SLCO5A1: variants seen among roughly 807,000 people sequenced by gnomAD.
SLCO5A1 encodes solute carrier organic anion transporter family member 5A1.
A neutral mutation model predicts 65.1 loss-of-function variants in SLCO5A1; 39 were observed. The ratio of observed to expected loss-of-function variants is 0.60; its 90% CI spans 0.46 to 0.78. The LOEUF (loss-of-function observed/expected upper bound fraction) is 0.78, where lower values mean the gene tolerates loss of function less well. SLCO5A1 is among the 30% of genes least tolerant of loss of function. The pLI, the probability that SLCO5A1 is intolerant of heterozygous loss-of-function variation, is 0.00. For synonymous variants in SLCO5A1, 438 were observed against 415.7 expected (o/e 1.05, Z -0.65); for missense variants, 1,029 against 1,069.4 (o/e 0.96, Z 0.53).
chr8:69,833,038 C>A lies in SLCO5A1; in HGVS notation c.-365G>T. 1 of 281,400 alleles carries A rather than the reference C, an allele frequency of 3.6e-6. No individual in the cohort carries two copies. The highest frequency in any genetic ancestry group is 5.8e-5 in the South Asian group (1 of 17,352). The allele number at this position is 281,400 out of a possible 1,614,324, so 17.4% of individuals were successfully genotyped here. ...CCGCCGCTGGGCCCGCGGCCAGGAG[C>A]GAGTGCACCCTGCGCCGGGGGTGGG... On this transcript the variant is annotated 5_prime_UTR_variant, in exon 2 of 10. Transcript: ENST00000260126.
chr8:69,774,777 T>A (rs1275716238), intron 2 of SLCO5A1, among the ~76,000 whole-genome samples: 1 of 152,198 alleles, frequency 6.6e-6, no homozygotes, highest in Non-Finnish European at 1.5e-5. Flanking sequence ...GAGGCCACCC[T>A]CTTGTATGTG....
intron 6 of SLCO5A1, among the ~76,000 whole-genome samples, chr8:69,683,764 T>C (rs1387777516): frequency 6.6e-6 from 1 of 152,134 alleles, no homozygotes; most frequent in African/African-American, 2.4e-5. Flanking sequence ...GGTTTCACCA[T>C]GTTGGCCAGG....
chr8:69,747,801 G>T (rs1049598517), intron 4 of SLCO5A1, among the ~76,000 whole-genome samples: 4 of 152,164 alleles, frequency 2.6e-5, no homozygotes, highest in African/African-American at 4.8e-5. Context: ...TGATCGTCCT[G>T]CAGTGAAAAC....
rs111236324 is a variant in SLCO5A1, at chr8:69,783,807, G to T, written c.908-21932C>A. Among the ~76,000 whole-genome samples, 548 of 152,254 alleles carry T rather than the reference G, an allele frequency of 3.6e-3. 4 individuals carry two copies. The highest frequency in any genetic ancestry group is 0.012 in the African/African-American group (504 of 41,550). On this transcript the variant is annotated intron_variant, in intron 2 of 9. Coordinates refer to ENST00000260126, the MANE Select transcript of SLCO5A1 (RefSeq NM_030958.3). ...AGAGTGTGTGACCTATACGGAGAATGAAATGATAATTGCGGTGGAGATACA... is the reference window on the plus strand; with the variant it reads ...AGAGTGTGTGACCTATACGGAGAATTAAATGATAATTGCGGTGGAGATACA...
intron 2 of SLCO5A1, among the ~76,000 whole-genome samples, chr8:69,782,935 C>G (rs1459873488): frequency 1.3e-5 from 2 of 152,152 alleles, no homozygotes; most frequent in Non-Finnish European, 2.9e-5. Flanking sequence ...CTGTGTAGGT[C>G]TCTATCAGGG....
intron 6 of SLCO5A1, among the ~76,000 whole-genome samples, chr8:69,687,435 T>C (rs1195746455): frequency 6.6e-6 from 1 of 152,234 alleles, no homozygotes; most frequent in Non-Finnish European, 1.5e-5. Context: ...TTCAGCTTTG[T>C]AGACAAGAAA....
rs149326170 is a variant in SLCO5A1, at chr8:69,708,623, G to C, written c.1424-3394C>G. Among the ~76,000 whole-genome samples, 883 of 152,064 alleles carry C rather than the reference G, an allele frequency of 5.8e-3. 24 individuals are homozygous for C. Among genetic ancestry groups the C allele is most frequent in the Admixed American group, 0.045 (687 of 15,278 alleles). The stretch of plus-strand genomic sequence containing the variant: ...TGTGCCATAGAAAACCAAGGAGAGA[G>C]GACAGGCATGGGGCTCATGCCTGTA... On this transcript the variant is annotated intron_variant, in intron 5 of 9. Transcript: ENST00000260126.
intron 6 of SLCO5A1, among the ~76,000 whole-genome samples, chr8:69,695,724 A>G (rs1443148961): frequency 6.6e-6 from 1 of 152,120 alleles, no homozygotes; most frequent in Non-Finnish European, 1.5e-5. Context: ...ATGGTATGTA[A>G]TTTTTTTGCA....
chr8:69,777,595 C>T (rs1031019494), intron 2 of SLCO5A1, among the ~76,000 whole-genome samples: 1 of 152,064 alleles, frequency 6.6e-6, no homozygotes, highest in African/African-American at 2.4e-5. Flanking sequence ...CAATTGCAGT[C>T]CAAAAATATT....
rs1026526556 is a variant in SLCO5A1 at position 69,671,686 on chromosome 8, G to A, written c.*1183C>T. On this transcript the variant is annotated 3_prime_UTR_variant, in exon 10 of 10. Transcript: ENST00000260126. ...GGGGAATCAAAGGGTAGTGTAAAACGATTCTATCTCTGATAAAGTAGGGTT... is the reference window on the plus strand; with the variant it reads ...GGGGAATCAAAGGGTAGTGTAAAACAATTCTATCTCTGATAAAGTAGGGTT... 6.6e-5 allele frequency: 10 copies of A among 152,140 alleles called. No individual in the cohort carries two copies. Among genetic ancestry groups the A allele is most frequent in the African/African-American group, 2.4e-4 (10 of 41,430 alleles). The allele number at this position is 152,140 out of a possible 1,614,324, so 9.4% of individuals were successfully genotyped here. A position where few individuals can be genotyped will look rare whatever the true frequency, so the allele number is the denominator to read the frequency against.
chr8:69,674,756 C>T (rs1188132222), intron 9 of SLCO5A1, among the ~76,000 whole-genome samples: 1 of 151,486 alleles, frequency 6.6e-6, no homozygotes, highest in Non-Finnish European at 1.5e-5. Flanking sequence ...CATTGTGGCT[C>T]ACATCTGTAA....
Position 69,667,337 on chromosome 8 carries a change from G to T in SLCO5A1, c.*5532C>A, listed in dbSNP as rs963233782. 1.3e-5 allele frequency: 2 copies of T among 152,064 alleles called. No homozygotes were observed. Among genetic ancestry groups the T allele is most frequent in the Admixed American group, 1.3e-4 (2 of 15,256 alleles). The allele number at this position is 152,064 out of a possible 1,614,324, so 9.4% of individuals were successfully genotyped here. A position where few individuals can be genotyped will look rare whatever the true frequency, so the allele number is the denominator to read the frequency against. ...ACACTCCACTAAGAACCTAATGCCAGTTTAGTTGACACAGTATTACATTTC... is the reference window on the plus strand; with the variant it reads ...ACACTCCACTAAGAACCTAATGCCATTTTAGTTGACACAGTATTACATTTC... On this transcript the variant is annotated 3_prime_UTR_variant, in exon 10 of 10. Coordinates refer to ENST00000260126, the MANE Select transcript of SLCO5A1 (RefSeq NM_030958.3).
intron 5 of SLCO5A1, among the ~76,000 whole-genome samples, chr8:69,722,864 G>T (rs1290766135): frequency 6.6e-6 from 1 of 151,610 alleles, no homozygotes; most frequent in African/African-American, 2.4e-5. Context: ...ACATATGTAG[G>T]AACATACATA....
At chr8:69,712,601 T>TG (rs1302235165) in intron 5 of SLCO5A1, among the ~76,000 whole-genome samples, 2 of 152,314 alleles carry the variant, frequency 1.3e-5, no homozygotes, top group East Asian at 3.9e-4. Context: ...GTGCTATTGT[T>TG]GCTATTGTTA....
chr8:69,705,944 T>C (rs1814950314), intron 5 of SLCO5A1, among the ~76,000 whole-genome samples: 1 of 152,218 alleles, frequency 6.6e-6, no homozygotes, highest in South Asian at 2.1e-4. Flanking sequence ...CTTGGATCTA[T>C]ACCCTGAAGA....
chr8:69,834,186 G>T (rs1383985216), intron 1 of SLCO5A1: 1 of 153,666 alleles, frequency 6.5e-6, no homozygotes, highest in Non-Finnish European at 1.4e-5. Flanking sequence ...AGCAAGAATC[G>T]AAAACAGGTG....
At chr8:69,728,697 T>C (rs1816201618) in intron 5 of SLCO5A1, among the ~76,000 whole-genome samples, 1 of 152,142 alleles carries the variant, frequency 6.6e-6, no homozygotes, top group African/African-American at 2.4e-5. Context: ...TTATTATACA[T>C]ACATACAAAC....
intron 2 of SLCO5A1, among the ~76,000 whole-genome samples, chr8:69,791,116 G>T (rs999196096): frequency 1.3e-5 from 2 of 152,156 alleles, no homozygotes; most frequent in Non-Finnish European, 2.9e-5. Context: ...CTGTCAGAGG[G>T]TGCAGAGCTG....
At chr8:69,686,067 A>G in intron 6 of SLCO5A1, among the ~76,000 whole-genome samples, 1 of 142,928 alleles carries the variant, frequency 7.0e-6, no homozygotes, top group East Asian at 1.9e-4. Flanking sequence ...ACATACTTCT[A>G]CTACATACTT....
Sources: allele counts gnomAD v4.1 joint callset (sites outside exome capture counted in the v4.1 genomes callset), GRCh38; gene constraint gnomAD v4.1.1; transcripts MANE v1.5; gene names NCBI Gene and HGNC (gene_info 2026-07-23, HGNC 2026-07-21).